Variants in IGSF11 observed in about 807,000 individuals in gnomAD.
The protein encoded by IGSF11 is immunoglobulin superfamily member 11.
IGSF11 carries 22 observed loss-of-function variants against 41.0 expected under a neutral mutation model. The ratio of observed to expected loss-of-function variants is 0.54; its 90% CI spans 0.38 to 0.77. The LOEUF (loss-of-function observed/expected upper bound fraction) is 0.77. Among genes scored for constraint, IGSF11 ranks in the 30% least tolerant of loss-of-function variants. IGSF11 has a pLI of 0.00. For synonymous variants in IGSF11, 219 were observed against 201.3 expected (o/e 1.09, Z -0.74); for missense variants, 444 against 530.8 (o/e 0.84, Z 1.61).
At chr3:118,912,016 T>C (rs554112838) in intron 4 of IGSF11, among the ~76,000 whole-genome samples, 1 of 152,314 alleles carries the variant, frequency 6.6e-6, no homozygotes, top group Admixed American at 6.5e-5. Flanking sequence ...GAGGATTTCT[T>C]ACAAACCATG....
intron 1 of IGSF11, among the ~76,000 whole-genome samples, chr3:118,965,304 G>C (rs1360784420): frequency 6.6e-6 from 1 of 151,984 alleles, no homozygotes; most frequent in Non-Finnish European, 1.5e-5. Context: ...GAGACCCAGT[G>C]GGATGCCACT....
chr3:119,001,035 C>T (rs1685724738), intron 1 of IGSF11, among the ~76,000 whole-genome samples: 1 of 152,094 alleles, frequency 6.6e-6, no homozygotes, highest in African/African-American at 2.4e-5. Context: ...TGCTGTTCTT[C>T]AATCATGCCA....
chr3:119,035,649 G>T (rs1252345074), upstream of IGSF11, among the ~76,000 whole-genome samples: 1 of 152,140 alleles, frequency 6.6e-6, no homozygotes, highest in Admixed American at 6.5e-5. Context: ...TGGGTTGGGT[G>T]GGGAGAAAGA....
At chr3:119,030,689 A>T (rs2107733339) in intron 1 of IGSF11, among the ~76,000 whole-genome samples, 1 of 152,270 alleles carries the variant, frequency 6.6e-6, no homozygotes, top group African/African-American at 2.4e-5. Flanking sequence ...AACCTCTCTT[A>T]AGCCAGTTGC....
chr3:119,026,205 C>G (rs1456177031), intron 1 of IGSF11, among the ~76,000 whole-genome samples: 2 of 152,092 alleles, frequency 1.3e-5, no homozygotes, highest in African/African-American at 4.8e-5. Context: ...AATTATAATA[C>G]AAAATAAAGA....
chr3:119,077,184 T>C (rs2076514212), intron 1 of IGSF11, among the ~76,000 whole-genome samples: 1 of 151,424 alleles, frequency 6.6e-6, no homozygotes, highest in African/African-American at 2.4e-5. Context: ...AACCAAACAC[T>C]GCATGTTCTC....
intron 1 of IGSF11, among the ~76,000 whole-genome samples, chr3:119,002,404 T>G (rs1281339050): frequency 6.6e-6 from 1 of 150,674 alleles, no homozygotes. Flanking sequence ...TGTGAAAATT[T>G]TCTCCCATGT....
chr3:118,920,850 G>A lies in IGSF11; in HGVS notation c.580+5251C>T, dbSNP rs189289884. Among the ~76,000 whole-genome samples, 293 of 152,178 alleles carry A rather than the reference G, an allele frequency of 1.9e-3. 2 individuals carry two copies. Among genetic ancestry groups the A allele is most frequent in the Middle Eastern group, 0.01 (3 of 294 alleles). On this transcript the variant is annotated intron_variant, in intron 4 of 6. Transcript: ENST00000393775. ...ACAATTATAATGCTTCCTATGCAAT[G>A]CATGTACAAATACCCTAACACCTGC...
At chr3:118,969,226 G>A (rs897660438) in intron 1 of IGSF11, among the ~76,000 whole-genome samples, 1 of 152,110 alleles carries the variant, frequency 6.6e-6, no homozygotes, top group African/African-American at 2.4e-5. Context: ...CAACACTGTA[G>A]TGACTATAAA....
At position 119,019,926 on chromosome 3, in the gene IGSF11, G is replaced by A. The variant is rs923964497; in HGVS notation, c.52+14605C>T. Among the ~76,000 whole-genome samples the A allele has an allele frequency of 3.3e-5, 5 of 152,252 alleles. 1 individual carries two copies. Among genetic ancestry groups the A allele is most frequent in the East Asian group, 1.9e-4 (1 of 5,168 alleles). On this transcript the variant is annotated intron_variant, in intron 1 of 6. Coordinates refer to ENST00000393775, the MANE Select transcript of IGSF11 (RefSeq NM_001015887.3). ...ATATCTGAAGGCAGAGTCTTTGGGA[G>A]ATGATTAGGTCGTGATGGTGGAGCT...
upstream of IGSF11, among the ~76,000 whole-genome samples, chr3:119,109,647 G>A (rs1473394052): frequency 2.0e-5 from 3 of 152,042 alleles, no homozygotes; most frequent in African/African-American, 4.8e-5. Context: ...GAATGTATTT[G>A]CTCTTGCTTG....
At chr3:119,017,776 CTTTT>C (rs567222914) in intron 1 of IGSF11, among the ~76,000 whole-genome samples, 1 of 100,256 alleles carries the variant, frequency 1.0e-5, no homozygotes, top group Non-Finnish European at 2.0e-5. Flanking sequence ...GTTTGTTTTA[CTTTT>C]TTTTTTTTTT....
intron 1 of IGSF11, among the ~76,000 whole-genome samples, chr3:118,969,978 G>A (rs1252464687): frequency 4.7e-5 from 7 of 149,588 alleles, no homozygotes; most frequent in Non-Finnish European, 7.4e-5. Flanking sequence ...GTCCCTCTGC[G>A]CATACAGGTA....
At chr3:119,047,390 G>C (rs1941406143) in intron 1 of IGSF11, among the ~76,000 whole-genome samples, 3 of 152,068 alleles carry the variant, frequency 2.0e-5, no homozygotes, top group Admixed American at 2.0e-4. Flanking sequence ...AAGATCAAAA[G>C]GGACAAAGAA....
chr3:119,013,368 T>A (rs1199298977), intron 1 of IGSF11: 2 of 152,254 alleles, frequency 1.3e-5, no homozygotes, highest in African/African-American at 4.8e-5. Flanking sequence ...AAACTCACAC[T>A]CCAATGAAAG....
chr3:119,091,786 AC>A (rs1311791244), intron 1 of IGSF11, among the ~76,000 whole-genome samples: 3 of 151,900 alleles, frequency 2.0e-5, no homozygotes, highest in Admixed American at 2.0e-4. Flanking sequence ...CATATTCCAA[AC>A]CTCAGCATCA....
chr3:119,005,369 G>A (rs1195926371), intron 1 of IGSF11, among the ~76,000 whole-genome samples: 1 of 150,540 alleles, frequency 6.6e-6, no homozygotes, highest in African/African-American at 2.5e-5. Context: ...CTGCACGTGA[G>A]ATGGGTTTCC....
At chr3:118,960,760 AT>A (rs1553762900) in intron 1 of IGSF11, among the ~76,000 whole-genome samples, 1 of 152,174 alleles carries the variant, frequency 6.6e-6, no homozygotes, top group Non-Finnish European at 1.5e-5. Context: ...CTACAAATCT[AT>A]TTTTTGGCAG....
At chr3:119,036,637 A>T (rs1030015356), upstream of IGSF11, among the ~76,000 whole-genome samples, 5 of 152,248 alleles carry the variant, frequency 3.3e-5, no homozygotes, top group African/African-American at 1.2e-4. Flanking sequence ...TTATCGCATC[A>T]ATTTAACAAC....
Sources: allele counts gnomAD v4.1 joint callset (sites outside exome capture counted in the v4.1 genomes callset), GRCh38; gene constraint gnomAD v4.1.1; transcripts MANE v1.5; gene names NCBI Gene and HGNC (gene_info 2026-07-23, HGNC 2026-07-21).